MLIP: variants seen among roughly 807,000 people sequenced by gnomAD.
The protein encoded by MLIP is muscular LMNA-interacting protein.
In MLIP, 79 loss-of-function variants were observed where a neutral mutation model predicts 84.8. The observed-to-expected ratio is 0.93, with a 90% CI of 0.78 to 1.12. MLIP has a LOEUF of 1.12. MLIP is among the 50% of genes most tolerant of loss of function. The probability of loss-of-function intolerance (pLI) is 0.00; values close to 1 mark genes in which losing one functional copy is unlikely to be tolerated. For synonymous variants in MLIP, 504 were observed against 463.0 expected, an observed-to-expected ratio of 1.09 and a Z score of -1.14; for missense variants, 1,257 against 1,160.6, an observed-to-expected ratio of 1.08 and a Z score of -1.21.
chr6:54,239,081 C>T (rs1401963004), intron 12 of MLIP, among the ~76,000 whole-genome samples: 1 of 151,976 alleles, frequency 6.6e-6, no homozygotes, highest in African/African-American at 2.4e-5. Flanking sequence ...CTAGCCTTTC[C>T]ATTTGCATAT....
At chr6:54,237,818 C>T (rs1475871021) in intron 12 of MLIP, among the ~76,000 whole-genome samples, 1 of 152,018 alleles carries the variant, frequency 6.6e-6, no homozygotes, top group African/African-American at 2.4e-5. Flanking sequence ...TCACTGCATT[C>T]TCGGCTGTGC....
intron 13 of MLIP, 95 bp downstream of exon 13, chr6:54,257,456 C>A: frequency 1.1e-6 from 1 of 921,190 alleles, no homozygotes; most frequent in Non-Finnish European, 1.7e-6. Context: ...CAAAATTGTG[C>A]TTTTATAACA....
chr6:54,180,729 T>G (rs1776767515), intron 9 of MLIP, among the ~76,000 whole-genome samples: 1 of 152,218 alleles, frequency 6.6e-6, no homozygotes, highest in Non-Finnish European at 1.5e-5. Context: ...CTAATGGAAT[T>G]CTAAATTCCT....
chr6:54,160,883 T>C, intron 8 of MLIP, 84 bp downstream of exon 8: 1 of 1,110,424 alleles, frequency 9.0e-7, no homozygotes, highest in East Asian at 2.5e-5. Context: ...GGTCCAATAG[T>C]GAATTGAGAA....
chr6:54,033,311 G>A (rs1004892447), intron 1 of MLIP, among the ~76,000 whole-genome samples: 1 of 150,904 alleles, frequency 6.6e-6, no homozygotes, highest in Admixed American at 6.6e-5. Context: ...CTGTTGCCCA[G>A]GTTGGAGTGC....
At chr6:54,255,535 A>G (rs957221785) in intron 12 of MLIP, among the ~76,000 whole-genome samples, 3 of 152,222 alleles carry the variant, frequency 2.0e-5, no homozygotes, top group African/African-American at 7.2e-5. Context: ...TAAACAGAAG[A>G]AAGCATGCCA....
chr6:54,145,453 T>A (rs188648502), intron 4 of MLIP, among the ~76,000 whole-genome samples: 3 of 152,072 alleles, frequency 2.0e-5, no homozygotes, highest in Non-Finnish European at 4.4e-5. Flanking sequence ...AGAGGAGTAG[T>A]GCATGTCATG....
At chr6:54,120,278 A>T (rs1264613547) in intron 1 of MLIP, among the ~76,000 whole-genome samples, 1 of 151,462 alleles carries the variant, frequency 6.6e-6, no homozygotes, top group Non-Finnish European at 1.5e-5. Context: ...TCTGTCGCCA[A>T]GGCTGGAGTG....
At chr6:54,051,806 C>A (rs1273161398) in intron 1 of MLIP, among the ~76,000 whole-genome samples, 1 of 151,974 alleles carries the variant, frequency 6.6e-6, no homozygotes, top group Non-Finnish European at 1.5e-5. Flanking sequence ...AGTTTTTGGG[C>A]TATATAAATA....
At chr6:54,142,861 T>A (rs1772433732) in intron 4 of MLIP, among the ~76,000 whole-genome samples, 1 of 151,210 alleles carries the variant, frequency 6.6e-6, no homozygotes, top group Admixed American at 6.6e-5. Flanking sequence ...GTAGGCAGAG[T>A]AACAAACATT....
rs530849943 is a variant in MLIP at position 54,207,138 on chromosome 6, GT to G, written c.2718+4917del. ...ATTTGGCTTCTCTAAGTTTTGCCAT[GT>G]TTTTTTTTTTTAATTTAAGGACTGA... On this transcript the variant is annotated intron_variant, in intron 11 of 13. Coordinates refer to ENST00000502396, the MANE Select transcript of MLIP (RefSeq NM_001281747.2). 8.9e-3 allele frequency among the ~76,000 whole-genome samples: 1,268 copies of G among 142,606 alleles called. 7 individuals are homozygous for G. Among genetic ancestry groups the G allele is most frequent in the South Asian group, 0.021 (94 of 4,528 alleles). The allele number at this position is 142,606 out of a possible 152,430, so 93.6% of individuals were successfully genotyped here. A position where few individuals can be genotyped will look rare whatever the true frequency, so the allele number is the denominator to read the frequency against.
chr6:54,263,992 C>T (rs1256130152), intron 13 of MLIP, among the ~76,000 whole-genome samples: 2 of 151,964 alleles, frequency 1.3e-5, no homozygotes, highest in African/African-American at 4.8e-5. Flanking sequence ...CAAATAAACC[C>T]AGTAAAAACT....
intron 12 of MLIP, among the ~76,000 whole-genome samples, chr6:54,235,700 C>A: frequency 6.6e-6 from 1 of 152,078 alleles, no homozygotes; most frequent in African/African-American, 2.4e-5. Flanking sequence ...TCTGAGTCAA[C>A]TTATGGATTT....
chr6:54,124,893 A>G, intron 3 of MLIP, 28 bp downstream of exon 3: 1 of 1,529,344 alleles, frequency 6.5e-7, no homozygotes, highest in Non-Finnish European at 8.8e-7. Context: ...GCTGTCCATA[A>G]GGAAAAAAAA....
intron 4 of MLIP, among the ~76,000 whole-genome samples, chr6:54,138,767 G>A (rs565967970): frequency 7.2e-5 from 11 of 152,238 alleles, no homozygotes; most frequent in Admixed American, 2.0e-4. Flanking sequence ...AGCCAAGCAC[G>A]TTCTCGTAGC....
chr6:54,070,887 A>T (rs1452194325), intron 1 of MLIP, among the ~76,000 whole-genome samples: 1 of 152,204 alleles, frequency 6.6e-6, no homozygotes, highest in Non-Finnish European at 1.5e-5. Flanking sequence ...TGTCACAGAT[A>T]GTGCCTAATT....
At chr6:54,091,916 T>G (rs1021854438) in intron 1 of MLIP, among the ~76,000 whole-genome samples, 2 of 152,184 alleles carry the variant, frequency 1.3e-5, no homozygotes, top group Non-Finnish European at 2.9e-5. Flanking sequence ...TTCAGAGTCA[T>G]TTCTCTATTC....
intron 9 of MLIP, among the ~76,000 whole-genome samples, chr6:54,172,479 T>G (rs887851572): frequency 1.3e-5 from 2 of 151,560 alleles, no homozygotes; most frequent in Non-Finnish European, 3.0e-5. Context: ...ATAAGACAGA[T>G]AGTAAACAGT....
At chr6:54,250,184 G>C (rs1782371118) in intron 12 of MLIP, among the ~76,000 whole-genome samples, 1 of 152,006 alleles carries the variant, frequency 6.6e-6, no homozygotes, top group South Asian at 2.1e-4. Flanking sequence ...CAGTCAGAAT[G>C]GGTATTATTA....
Sources: allele counts gnomAD v4.1 joint callset (sites outside exome capture counted in the v4.1 genomes callset), GRCh38; gene constraint gnomAD v4.1.1; transcripts MANE v1.5; gene names NCBI Gene and HGNC (gene_info 2026-07-23, HGNC 2026-07-21).